Variants in KIF26B observed in about 807,000 individuals in gnomAD.
KIF26B encodes kinesin-like protein KIF26B.
A neutral mutation model predicts 151.2 loss-of-function variants in KIF26B; 63 were observed. The observed-to-expected ratio is 0.42, with a 90% CI of 0.34 to 0.51. The LOEUF (loss-of-function observed/expected upper bound fraction) is 0.51. KIF26B is among the 20% of genes least tolerant of loss of function. The probability of loss-of-function intolerance (pLI) is 0.07; values close to 1 mark genes in which losing one functional copy is unlikely to be tolerated. For synonymous variants in KIF26B, 1,357 were observed against 1,262.1 expected (o/e 1.08, Z -1.59); for missense variants, 2,813 against 2,913.6 (o/e 0.97, Z 0.79).
At chr1:245,378,295 C>A (rs1240186778) in intron 3 of KIF26B, among the ~76,000 whole-genome samples, 1 of 151,852 alleles carries the variant, frequency 6.6e-6, no homozygotes, top group African/African-American at 2.4e-5. Context: ...TAGTTACTTA[C>A]CATCCCTCCC....
intron 3 of KIF26B, among the ~76,000 whole-genome samples, chr1:245,417,117 A>G (rs1674439429): frequency 2.0e-5 from 3 of 152,126 alleles, no homozygotes; most frequent in Admixed American, 2.0e-4. Flanking sequence ...AAAATGGAGC[A>G]GGAAAGGCAG....
chr1:245,450,654 C>T (rs1243279803), intron 4 of KIF26B, among the ~76,000 whole-genome samples: 2 of 152,080 alleles, frequency 1.3e-5, no homozygotes, highest in African/African-American at 2.4e-5. Flanking sequence ...GGTGATGTTG[C>T]GCCTCTTGGG....
intron 2 of KIF26B, among the ~76,000 whole-genome samples, chr1:245,165,134 C>T (rs530327943): frequency 2.8e-4 from 43 of 151,886 alleles, no homozygotes; most frequent in Middle Eastern, 3.4e-3. Flanking sequence ...GTGGTGTCAC[C>T]GAGACCAGTT....
intron 2 of KIF26B, among the ~76,000 whole-genome samples, chr1:245,180,555 C>T (rs938957157): frequency 2.6e-5 from 4 of 152,192 alleles, no homozygotes; most frequent in Admixed American, 2.0e-4. Context: ...TCTCCAGTTT[C>T]TATTTCCTGA....
At chr1:245,344,494 CAA>C (rs57007301) in intron 2 of KIF26B, among the ~76,000 whole-genome samples, 74 of 39,980 alleles carry the variant, frequency 1.9e-3, no homozygotes, top group African/African-American at 3.5e-3. Context: ...GACTCCGTCT[CAA>C]AAAAAAAAAA....
Position 245,452,300 on chromosome 1 carries a change from G to GT in KIF26B, c.1166+32556dup, listed in dbSNP as rs1659413656. Among the ~76,000 whole-genome samples the GT allele has an allele frequency of 3.9e-5, 6 of 152,282 alleles. 1 individual carries two copies. The highest frequency in any genetic ancestry group is 3.4e-3 in the Middle Eastern group (1 of 294). On this transcript the variant is annotated intron_variant, in intron 4 of 14. Coordinates refer to ENST00000407071, the MANE Select transcript of KIF26B (RefSeq NM_018012.4). ...TATGGCTGAATAACAGCATATCATT[G>GT]TATGTATTATATATACCATACTTTT...
chr1:245,613,414 C>A (rs578013509), intron 9 of KIF26B, among the ~76,000 whole-genome samples: 1 of 151,990 alleles, frequency 6.6e-6, no homozygotes, highest in Admixed American at 6.6e-5. Context: ...ACCAGCCTGG[C>A]CAACATGGAG....
chr1:245,496,920 C>G (rs1391810742), intron 4 of KIF26B, among the ~76,000 whole-genome samples: 1 of 151,974 alleles, frequency 6.6e-6, no homozygotes, highest in Non-Finnish European at 1.5e-5. Context: ...AGAAAATAGA[C>G]TTTTCAAGAA....
At chr1:245,208,859 C>A (rs1316382458) in intron 2 of KIF26B, among the ~76,000 whole-genome samples, 1 of 152,194 alleles carries the variant, frequency 6.6e-6, no homozygotes, top group Non-Finnish European at 1.5e-5. Flanking sequence ...CTCCTACCTT[C>A]TTTGTGTGTT....
chr1:245,702,575 C>G lies in KIF26B; in HGVS notation c.6296C>G (p.Thr2099Ser). The change falls in exon 15 of 15, where the codon ACC (threonine) becomes AGC (serine). Residue 2099 changes from threonine (T) to serine (S), a missense_variant. Thr to Ser is a moderately conservative substitution (Grantham distance 58). Around this residue, in one of 3 missense-constraint regions of KIF26B, gnomAD observed 2,060 missense variants for 2,088.6 expected, o/e 0.99. Transcript: ENST00000407071. This position sits in a 1 kb window ranked among gnomAD's most constrained non-coding sequence, Gnocchi z 4.1. ...NFCKAHLMMI[T>S]CFDITSRRR ...TGCAAGGCCCATCTCATGATGATCA[C>G]CTGCTTCGACATCACCTCCAGGCGC... is the stretch of plus-strand genomic sequence containing the variant. 1 of 1,613,950 alleles carries G rather than the reference C, an allele frequency of 6.2e-7. No individual in the cohort carries two copies. Among genetic ancestry groups the G allele is most frequent in the Non-Finnish European group, 8.5e-7 (1 of 1,179,874 alleles).
chr1:245,480,862 GGACCACA>G (rs1021607485), intron 4 of KIF26B, among the ~76,000 whole-genome samples: 3 of 151,276 alleles, frequency 2.0e-5, no homozygotes, highest in Non-Finnish European at 3.0e-5. Context: ...TCAGTGAAAG[GGACCACA>G]GAGGTCATCT....
In KIF26B at chr1:245,394,684, C is replaced by CTTTTTTTTTTTTTTTTTTTTTTTTTTT. The variant is rs1444711983; in HGVS notation, c.1000-24892_1000-24891insTTTTTTTTTTTTTTTTTTTTTTTTTTT. On this transcript the variant is annotated intron_variant, in intron 3 of 14. Coordinates refer to ENST00000407071, the MANE Select transcript of KIF26B (RefSeq NM_018012.4). ...TTAAAAAGTACCTTCAAGTTTTTTTCTTTCTTTTTTTTTTTTTTTTTTTGA... is the reference window on the plus strand; with the variant it reads ...TTAAAAAGTACCTTCAAGTTTTTTTCTTTTTTTTTTTTTTTTTTTTTTTTTTTTTTCTTTTTTTTTTTTTTTTTTTGA... 3.2e-5 allele frequency among the ~76,000 whole-genome samples: 4 copies of CTTTTTTTTTTTTTTTTTTTTTTTTTTT among 124,400 alleles called. 1 individual carries two copies. Among genetic ancestry groups the CTTTTTTTTTTTTTTTTTTTTTTTTTTT allele is most frequent in the African/African-American group, 4.0e-5 (1 of 25,224 alleles). 81.6% of individuals were successfully genotyped at this position (124,400 alleles called of 152,430 possible).
chr1:245,367,827 G>A lies in KIF26B; in HGVS notation c.999+460G>A, dbSNP rs1673000951. ...TCAAGTCCCTCATTTATAAATGGAT[G>A]TGAGTCACGAGAATTAAATAAGGTA... On this transcript the variant is annotated intron_variant, in intron 3 of 14. Transcript: ENST00000407071. This position sits in a 1 kb window ranked among gnomAD's most constrained non-coding sequence, Gnocchi z 4.2. Among the ~76,000 whole-genome samples the A allele has an allele frequency of 6.6e-6, 1 of 152,232 alleles. No homozygotes were observed. Among genetic ancestry groups the A allele is most frequent in the Admixed American group, 6.5e-5 (1 of 15,280 alleles).
At chr1:245,442,272 T>C (rs1659123043) in intron 4 of KIF26B, among the ~76,000 whole-genome samples, 1 of 152,202 alleles carries the variant, frequency 6.6e-6, no homozygotes, top group African/African-American at 2.4e-5. Flanking sequence ...AGTTGCTTCC[T>C]GTCCGTGCTC....
rs536515287 is a variant in KIF26B at position 245,686,094 on chromosome 1, C to A, written c.3111C>A (p.Leu1037=). 1.1e-5 allele frequency: 17 copies of A among 1,605,436 alleles called. No homozygotes were observed. The East Asian group carries it at 2.9e-4, about 28-fold the overall frequency. The change falls in exon 12 of 15, where the codon CTC becomes CTA. Residue 1037 remains leucine, a synonymous_variant. Transcript: ENST00000407071. The surrounding 1 kb of genome is among the most constrained non-coding windows in gnomAD (Gnocchi z 5.6). ...GTAGCCAGCACAGCGCCTCCCCACT[C>A]GTGCAGAGCCCCAGCCTCCAGAGCA... ...GSSSQHSASP[L]VQSPSLQSSR... is the part of the protein sequence containing the mutation.
intron 2 of KIF26B, among the ~76,000 whole-genome samples, chr1:245,303,739 A>G (rs1671486704): frequency 6.6e-6 from 1 of 152,240 alleles, no homozygotes; most frequent in Non-Finnish European, 1.5e-5. Context: ...TCTGCTTTAG[A>G]GCAAACACTG....
At chr1:245,605,725 C>T (rs1162845658) in intron 6 of KIF26B, among the ~76,000 whole-genome samples, 3 of 152,148 alleles carry the variant, frequency 2.0e-5, no homozygotes, top group East Asian at 1.9e-4. Context: ...AAGGGGCCTC[C>T]GGGGCCCCTG....
chr1:245,223,129 A>T (rs1418803209), intron 2 of KIF26B, among the ~76,000 whole-genome samples: 1 of 152,186 alleles, frequency 6.6e-6, no homozygotes, highest in Admixed American at 6.5e-5. Flanking sequence ...GGTAGAGGCC[A>T]GGGACGCTGG....
chr1:245,310,919 A>G (rs1282571563), intron 2 of KIF26B, among the ~76,000 whole-genome samples: 1 of 152,234 alleles, frequency 6.6e-6, no homozygotes, highest in South Asian at 2.1e-4. Context: ...TGGTGTCATG[A>G]GTAGCTCCCA....
Sources: allele counts gnomAD v4.1 joint callset (sites outside exome capture counted in the v4.1 genomes callset), GRCh38; gene constraint gnomAD v4.1.1; regional missense constraint gnomAD v4.1.1; non-coding constraint Gnocchi (gnomAD v3.1); transcripts MANE v1.5; gene names NCBI Gene and HGNC (gene_info 2026-07-23, HGNC 2026-07-21).